The following TMEM132C variants were observed in gnomAD, a reference collection of about 807,000 sequenced individuals.
TMEM132C encodes the protein protein phosphatase 1, regulatory subunit 152.
Under a neutral mutation model 61.4 loss-of-function variants are expected in TMEM132C, and 29 were observed. The observed-to-expected ratio is 0.47, with a 90% CI of 0.35 to 0.64. The LOEUF is 0.64. TMEM132C is among the 30% of genes least tolerant of loss of function. TMEM132C has a pLI of 0.00. For synonymous variants in TMEM132C, 656 were observed against 633.1 expected (o/e 1.04, Z -0.54); for missense variants, 1,408 against 1,476.9 (o/e 0.95, Z 0.76).
chr12:128,513,069 A>AG (rs1872616788), intron 2 of TMEM132C, among the ~76,000 whole-genome samples: 1 of 152,182 alleles, frequency 6.6e-6, no homozygotes, highest in African/African-American at 2.4e-5. Flanking sequence ...TGTGAGGAGA[A>AG]GCAGCTCAGA....
At chr12:128,425,364 G>A (rs2136031402) in intron 2 of TMEM132C, among the ~76,000 whole-genome samples, 1 of 152,346 alleles carries the variant, frequency 6.6e-6, no homozygotes, top group East Asian at 1.9e-4. Context: ...CACATGACAA[G>A]TCTCCTTGAT....
At chr12:128,390,383 T>C (rs1361971439) in intron 1 of TMEM132C, among the ~76,000 whole-genome samples, 2 of 152,166 alleles carry the variant, frequency 1.3e-5, no homozygotes, top group Admixed American at 6.5e-5. Context: ...GGTGCCCATG[T>C]ACCTTGGCTC....
chr12:128,497,287 C>T (rs1871999043), intron 2 of TMEM132C, among the ~76,000 whole-genome samples: 1 of 152,244 alleles, frequency 6.6e-6, no homozygotes, highest in African/African-American at 2.4e-5. Context: ...CAGGGACCCA[C>T]TTGAGGAGGT....
chr12:128,613,910 G>A (rs1028051006), intron 3 of TMEM132C, among the ~76,000 whole-genome samples: 8 of 152,210 alleles, frequency 5.3e-5, no homozygotes, highest in African/African-American at 1.9e-4. Context: ...CATATTTGGT[G>A]TTTCTTTCTT....
chr12:128,362,665 G>T (rs1053919130), intron 1 of TMEM132C, among the ~76,000 whole-genome samples: 3 of 152,206 alleles, frequency 2.0e-5, no homozygotes, highest in African/African-American at 7.2e-5. Context: ...GTGCTCCAAT[G>T]AGGATTTCCT....
intron 1 of TMEM132C, among the ~76,000 whole-genome samples, chr12:128,334,546 G>A (rs1242603799): frequency 6.6e-6 from 1 of 150,772 alleles, no homozygotes; most frequent in East Asian, 1.9e-4. Context: ...ACCTACTTGA[G>A]TTTCCCCCAC....
At chr12:128,370,217 C>T (rs1873989249) in intron 1 of TMEM132C, among the ~76,000 whole-genome samples, 1 of 152,162 alleles carries the variant, frequency 6.6e-6, no homozygotes, top group African/African-American at 2.4e-5. Flanking sequence ...AGATCCACAC[C>T]TTCCTGCAGT....
chr12:128,404,368 G>A (rs1273107595), intron 1 of TMEM132C: 1 of 152,136 alleles, frequency 6.6e-6, no homozygotes, highest in African/African-American at 2.4e-5. Context: ...CTCACATGCT[G>A]GGATTCTGAG....
intron 1 of TMEM132C, among the ~76,000 whole-genome samples, chr12:128,287,519 CTATATCTA>C (rs1251178962): frequency 5.1e-5 from 7 of 136,844 alleles, no homozygotes; most frequent in Admixed American, 2.3e-4. Context: ...ATATCTATAT[CTATATCTA>C]TCTGTGTGTG....
At position 128,494,111 on chromosome 12, in the gene TMEM132C, G is replaced by A. The variant is rs572607546; in HGVS notation, c.975-49846G>A. ...TTTCTGCATCTATTGAGATAATCAT[G>A]TGGTTTTTGTCTTTGGTTCTGTTTA... On this transcript the variant is annotated intron_variant, in intron 2 of 8. Transcript: ENST00000435159. Among the ~76,000 whole-genome samples, 99 of 152,306 alleles carry A rather than the reference G, an allele frequency of 6.5e-4. 1 individual carries two copies. Among genetic ancestry groups the A allele is most frequent in the African/African-American group, 2.2e-3 (91 of 41,564 alleles).
chr12:128,659,266 G>T (rs181985229), intron 4 of TMEM132C, among the ~76,000 whole-genome samples: 2 of 152,262 alleles, frequency 1.3e-5, no homozygotes, highest in Admixed American at 6.5e-5. Context: ...ATTGGCTCCT[G>T]TGTCTTATTC....
chr12:128,487,082 C>T (rs930856422), intron 2 of TMEM132C, among the ~76,000 whole-genome samples: 2 of 152,126 alleles, frequency 1.3e-5, no homozygotes, highest in Admixed American at 6.6e-5. Flanking sequence ...CAGGGTATTC[C>T]GGAAACCCAG....
At chr12:128,427,384 A>C (rs1869222138) in intron 2 of TMEM132C, among the ~76,000 whole-genome samples, 1 of 107,532 alleles carries the variant, frequency 9.3e-6, no homozygotes. Flanking sequence ...CTACTTCCAA[A>C]GGGGTGTGTG....
intron 2 of TMEM132C, among the ~76,000 whole-genome samples, chr12:128,473,580 TTTCATCTTCACTCCAGCCTCTATC>T (rs1377894346): frequency 4.3e-4 from 7 of 16,324 alleles, no homozygotes; most frequent in East Asian, 5.3e-3. Context: ...CAGCCTCTAT[TTTCATCTTCACTCCAGCCTCTATC>T]TTCATCTTCA....
At chr12:128,409,657 G>T (rs914659566) in intron 1 of TMEM132C, among the ~76,000 whole-genome samples, 3 of 152,166 alleles carry the variant, frequency 2.0e-5, no homozygotes, top group Admixed American at 6.5e-5. Flanking sequence ...TGGAGCCCCA[G>T]AGTGAGCAGT....
At chr12:128,569,034 G>T (rs1161440989) in intron 3 of TMEM132C, among the ~76,000 whole-genome samples, 1 of 152,212 alleles carries the variant, frequency 6.6e-6, no homozygotes, top group African/African-American at 2.4e-5. Flanking sequence ...GAGGACACAG[G>T]TAGACATGTG....
chr12:128,335,898 T>G (rs1452880198), intron 1 of TMEM132C, among the ~76,000 whole-genome samples: 1 of 152,222 alleles, frequency 6.6e-6, no homozygotes, highest in Non-Finnish European at 1.5e-5. Context: ...TCTCTTTCTC[T>G]CTCATAATTA....
chr12:128,315,222 A>C (rs2135930013), intron 1 of TMEM132C, among the ~76,000 whole-genome samples: 1 of 152,264 alleles, frequency 6.6e-6, no homozygotes, highest in South Asian at 2.1e-4. Flanking sequence ...GAGAGCTTGG[A>C]GCTTTCACAA....
chr12:128,626,073 T>A (rs11059799), intron 4 of TMEM132C, among the ~76,000 whole-genome samples: 1 of 151,968 alleles, frequency 6.6e-6, no homozygotes. Flanking sequence ...AAGAAACACA[T>A]GTACTACAGT....
Sources: gnomAD v4.1 joint callset for allele counts (sites outside exome capture counted in the v4.1 genomes callset) on GRCh38, gnomAD v4.1.1 for gene constraint, MANE v1.5 for transcripts, NCBI Gene and HGNC (gene_info 2026-07-23, HGNC 2026-07-21) for gene names.